Variants in GALNT18 observed in about 807,000 individuals in gnomAD.
GALNT18 encodes GalNAc-transferase 18.
A neutral mutation model predicts 69.5 loss-of-function variants in GALNT18; 44 were observed. The ratio of observed to expected loss-of-function variants is 0.63; its 90% CI spans 0.50 to 0.81. GALNT18 has a LOEUF of 0.81. Ranked by LOEUF, GALNT18 falls within the 40% of genes least tolerant of loss-of-function variation. The pLI is 0.00. For synonymous variants in GALNT18, 364 were observed against 318.2 expected, an observed-to-expected ratio of 1.14 and a Z score of -1.53; for missense variants, 715 against 810.0, an observed-to-expected ratio of 0.88 and a Z score of 1.42.
At position 11,516,103 on chromosome 11, in the gene GALNT18, G is replaced by A. The variant is rs147815792; in HGVS notation, c.236-67167C>T. ...AGTGAGATGGGCCGTCACCACAGCCGCCTTCTAGCCCCTGATCAGGCACAG... is the reference window on the plus strand; with the variant it reads ...AGTGAGATGGGCCGTCACCACAGCCACCTTCTAGCCCCTGATCAGGCACAG... On this transcript the variant is annotated intron_variant, in intron 1 of 10. Transcript: ENST00000227756. Among the ~76,000 whole-genome samples, 892 of 152,258 alleles carry A rather than the reference G, an allele frequency of 5.9e-3. 11 individuals are homozygous for A. The highest frequency in any genetic ancestry group is 0.02 in the African/African-American group (839 of 41,576).
chr11:11,539,605 T>C (rs949296705), intron 1 of GALNT18, among the ~76,000 whole-genome samples: 17 of 152,176 alleles, frequency 1.1e-4, no homozygotes, highest in Middle Eastern at 3.4e-3. Context: ...ACAATCATGA[T>C]GTTGAATTGC....
At position 11,563,466 on chromosome 11, in the gene GALNT18, T is replaced by C. The variant is rs1590102737; in HGVS notation, c.235+57893A>G. ...GTCTCACCATGAAGGGCCCCACAAG[T>C]AGTTTCCAACTTGTGAGTTTGAACA... is the stretch of plus-strand genomic sequence containing the variant. On this transcript the variant is annotated intron_variant, in intron 1 of 10. Coordinates refer to ENST00000227756, the MANE Select transcript of GALNT18 (RefSeq NM_198516.3). This position sits in a 1 kb window ranked among gnomAD's most constrained non-coding sequence, Gnocchi z 4.6. Among the ~76,000 whole-genome samples, 2 of 152,298 alleles carry C rather than the reference T, an allele frequency of 1.3e-5. No homozygotes were observed. The highest frequency in any genetic ancestry group is 3.4e-3 in the Middle Eastern group (1 of 292).
At chr11:11,285,853 G>T (rs1849182186) in intron 10 of GALNT18, among the ~76,000 whole-genome samples, 1 of 152,176 alleles carries the variant, frequency 6.6e-6, no homozygotes, top group Non-Finnish European at 1.5e-5. Context: ...ATTCGTCTTT[G>T]CGTGCGTTAC....
chr11:11,508,909 AC>A (rs1220457988), intron 1 of GALNT18, among the ~76,000 whole-genome samples: 11 of 152,208 alleles, frequency 7.2e-5, no homozygotes, highest in Non-Finnish European at 1.5e-4. Flanking sequence ...GTTTACAATA[AC>A]AAAGAGAGGC....
chr11:11,515,532 T>C (rs1173986417), intron 1 of GALNT18, among the ~76,000 whole-genome samples: 4 of 152,086 alleles, frequency 2.6e-5, no homozygotes, highest in African/African-American at 9.7e-5. Context: ...GGGCTTACGT[T>C]CTAGTGTGTG....
intron 2 of GALNT18, among the ~76,000 whole-genome samples, chr11:11,445,848 G>C (rs1328574613): frequency 6.6e-6 from 1 of 152,154 alleles, no homozygotes; most frequent in Non-Finnish European, 1.5e-5. Context: ...GCAGAGGGAA[G>C]GTCTCTCTGT....
At chr11:11,348,955 T>C (rs1446343852) in intron 6 of GALNT18, among the ~76,000 whole-genome samples, 1 of 152,190 alleles carries the variant, frequency 6.6e-6, no homozygotes, top group Non-Finnish European at 1.5e-5. Context: ...TAAGAAGCAA[T>C]GCTTTGGCAG....
rs1184878810 is a variant in GALNT18, at chr11:11,372,648, G to C, written c.978-19C>G. On this transcript the variant is annotated intron_variant, in intron 5 of 10. Coordinates refer to ENST00000227756, the MANE Select transcript of GALNT18 (RefSeq NM_198516.3). The surrounding 1 kb of genome is among the most constrained non-coding windows in gnomAD (Gnocchi z 4.9). Reference sequence around the variant, plus strand: ...AGGGCTCCTGCAGGGGCAGGGGAGAGCAGAAGGGCTGTCTGGTGCAGCTGT... The same window carrying C: ...AGGGCTCCTGCAGGGGCAGGGGAGACCAGAAGGGCTGTCTGGTGCAGCTGT... 6.3e-7 allele frequency: 1 copy of C among 1,594,142 alleles called. No homozygotes were observed. Among genetic ancestry groups the C allele is most frequent in the Admixed American group, 1.7e-5 (1 of 59,964 alleles).
chr11:11,390,879 T>C (rs2133714615), intron 3 of GALNT18, among the ~76,000 whole-genome samples: 1 of 152,318 alleles, frequency 6.6e-6, no homozygotes, highest in African/African-American at 2.4e-5. Context: ...CCATTTACCT[T>C]GACTTTGGGC....
intron 1 of GALNT18, among the ~76,000 whole-genome samples, chr11:11,549,997 G>A (rs1339803563): frequency 6.6e-6 from 1 of 152,214 alleles, no homozygotes; most frequent in Non-Finnish European, 1.5e-5. Flanking sequence ...GCTGAGGAAG[G>A]CTCACATTAT....
rs1850931381 is a variant in GALNT18, at chr11:11,372,453, C to T, written c.1092+62G>A. ...CAACCTTAAACCCCATTTCTCCACC[C>T]CCAGACTCATTCACCCTGGTGGGAG... On this transcript the variant is annotated intron_variant, in intron 6 of 10. Transcript: ENST00000227756. The surrounding 1 kb of genome is among the most constrained non-coding windows in gnomAD (Gnocchi z 4.9). 2 of 1,301,950 alleles carry T rather than the reference C, an allele frequency of 1.5e-6. No individual in the cohort carries two copies. Among genetic ancestry groups the T allele is most frequent in the South Asian group, 2.4e-5 (2 of 83,964 alleles). The allele number at this position is 1,301,950 out of a possible 1,614,324, so 80.6% of individuals were successfully genotyped here.
At chr11:11,501,257 G>A (rs1590055959) in intron 1 of GALNT18, among the ~76,000 whole-genome samples, 1 of 151,558 alleles carries the variant, frequency 6.6e-6, no homozygotes, top group East Asian at 1.9e-4. Flanking sequence ...GTTTGTGTTA[G>A]AAAAAAAAAT....
chr11:11,465,777 A>T lies in GALNT18; in HGVS notation c.236-16841T>A, dbSNP rs2133845964. Among the ~76,000 whole-genome samples the T allele has an allele frequency of 6.6e-6, 1 of 152,248 alleles. No homozygotes were observed. The highest frequency in any genetic ancestry group is 1.9e-4 in the East Asian group (1 of 5,180). ...CTCTTCTCCTCTGCCAGGCCCCAGG[A>T]GGATGTGGAATTACTGCACGATATT... On this transcript the variant is annotated intron_variant, in intron 1 of 10. Transcript: ENST00000227756. The surrounding 1 kb of genome is among the most constrained non-coding windows in gnomAD (Gnocchi z 5.7).
intron 3 of GALNT18, among the ~76,000 whole-genome samples, chr11:11,407,041 C>A (rs1164113039): frequency 6.6e-6 from 1 of 152,212 alleles, no homozygotes; most frequent in Non-Finnish European, 1.5e-5. Flanking sequence ...GGAGAAAGAA[C>A]CTACTCAGTT....
chr11:11,483,698 C>A (rs565496670), intron 1 of GALNT18, among the ~76,000 whole-genome samples: 1 of 152,302 alleles, frequency 6.6e-6, no homozygotes, highest in Non-Finnish European at 1.5e-5. Context: ...CCGATTGAGG[C>A]AAGACCCTGA....
At chr11:11,416,051 C>G (rs1483369036) in intron 3 of GALNT18, among the ~76,000 whole-genome samples, 1 of 152,222 alleles carries the variant, frequency 6.6e-6, no homozygotes, top group African/African-American at 2.4e-5. Flanking sequence ...CTTTGATTCT[C>G]TGCATTAGTT....
At position 11,280,153 on chromosome 11, in the gene GALNT18, G is replaced by A. The variant is rs117832146; in HGVS notation, c.1678-8863C>T. Among the ~76,000 whole-genome samples, 52 of 152,218 alleles carry A rather than the reference G, an allele frequency of 3.4e-4. 1 individual carries two copies. The East Asian group carries it at 8.5e-3, about 25-fold the overall frequency. ...CCACACCCCAGGGCACCCCCCGCCC[G>A]GGGAGTGCAGTGATTCAGTGTACTC... is the stretch of plus-strand genomic sequence containing the variant. On this transcript the variant is annotated intron_variant, in intron 10 of 10. Transcript: ENST00000227756.
chr11:11,582,377 G>C lies in GALNT18; in HGVS notation c.235+38982C>G, dbSNP rs1367136431. On this transcript the variant is annotated intron_variant, in intron 1 of 10. Transcript: ENST00000227756. The surrounding 1 kb of genome is among the most constrained non-coding windows in gnomAD (Gnocchi z 5.0). ...CCCTATAAGAGGGCTATGCATGCCT[G>C]TCCGTTGCCCCGTGGCTTGCAGTGC... Among the ~76,000 whole-genome samples the C allele has an allele frequency of 6.6e-6, 1 of 152,250 alleles. No individual in the cohort carries two copies. The highest frequency in any genetic ancestry group is 1.9e-4 in the East Asian group (1 of 5,198).
chr11:11,288,839 C>T (rs1252239601), intron 10 of GALNT18, among the ~76,000 whole-genome samples: 1 of 150,876 alleles, frequency 6.6e-6, no homozygotes, highest in Admixed American at 6.6e-5. Flanking sequence ...CTAAGATATG[C>T]AAATGCCTAT....
Sources: allele counts gnomAD v4.1 joint callset (sites outside exome capture counted in the v4.1 genomes callset), GRCh38; gene constraint gnomAD v4.1.1; non-coding constraint Gnocchi (gnomAD v3.1); transcripts MANE v1.5; gene names NCBI Gene and HGNC (gene_info 2026-07-23, HGNC 2026-07-21).